GDA: variants seen among roughly 807,000 people sequenced by gnomAD.
GDA encodes the protein guanine deaminase, also known as cytoplasmic PSD-95 interactor.
A neutral mutation model predicts 59.6 loss-of-function variants in GDA; 18 were observed. That is an observed-to-expected ratio of 0.30 (90% CI 0.21 to 0.45). GDA has a LOEUF of 0.45. Ranked by LOEUF, GDA falls within the 20% of genes least tolerant of loss-of-function variation. The pLI is 1.00. For synonymous variants in GDA, 201 were observed against 201.1 expected (o/e 1.00, Z 0.00); for missense variants, 427 against 552.3 (o/e 0.77, Z 2.27).
In GDA at chr9:72,249,065, C is replaced by A; in HGVS notation, c.*723C>A. The A allele has an allele frequency of 2.0e-6, 2 of 982,228 alleles. No individual in the cohort carries two copies. Among genetic ancestry groups the A allele is most frequent in the Non-Finnish European group, 2.4e-6 (2 of 826,766 alleles). The allele number at this position is 982,228 out of a possible 1,614,324, so 60.8% of individuals were successfully genotyped here. A position where few individuals can be genotyped will look rare whatever the true frequency, so the allele number is the denominator to read the frequency against. ...AAGTTGGGTATTAAAGATTTAAAGT[C>A]TCTTAGGAATATTATTCATGTAACT... On this transcript the variant is annotated 3_prime_UTR_variant, in exon 14 of 14. Coordinates refer to ENST00000358399, the MANE Select transcript of GDA (RefSeq NM_004293.5).
intron 1 of GDA, among the ~76,000 whole-genome samples, chr9:72,150,617 G>A (rs543606642): frequency 1.3e-5 from 2 of 152,108 alleles, no homozygotes; most frequent in Non-Finnish European, 2.9e-5. Context: ...TTTTTGAGCT[G>A]TTTTCCAACT....
upstream of GDA, among the ~76,000 whole-genome samples, chr9:72,148,980 G>C (rs1826821798): frequency 6.6e-6 from 1 of 152,198 alleles, no homozygotes; most frequent in Non-Finnish European, 1.5e-5. Flanking sequence ...ACCCAGTTTA[G>C]GGGTCCCCAG....
intron 1 of GDA, among the ~76,000 whole-genome samples, chr9:72,193,653 A>G (rs919099848): frequency 3.3e-5 from 5 of 152,194 alleles, no homozygotes; most frequent in Non-Finnish European, 5.9e-5. Context: ...GCTACTGTCT[A>G]TGTTCACTCA....
At chr9:72,199,782 C>T (rs1318517413) in intron 2 of GDA, among the ~76,000 whole-genome samples, 5 of 152,090 alleles carry the variant, frequency 3.3e-5, no homozygotes, top group Admixed American at 6.5e-5. Context: ...AATGTCTCTT[C>T]TTTACTGTCC....
chr9:72,171,499 A>G (rs4314712), intron 1 of GDA, among the ~76,000 whole-genome samples: 27,794 of 152,016 alleles, frequency 0.18, 2,875 homozygotes, highest in African/African-American at 0.29. Context: ...TATGGGTTCA[A>G]TTTTGGTTAA....
intron 9 of GDA, among the ~76,000 whole-genome samples, chr9:72,230,218 C>T (rs559121871): frequency 6.6e-6 from 1 of 152,204 alleles, no homozygotes; most frequent in Admixed American, 6.5e-5. Flanking sequence ...ACATGGTGGG[C>T]ATGGTGGCTC....
intron 1 of GDA, among the ~76,000 whole-genome samples, chr9:72,188,875 G>A (rs1167992528): frequency 6.6e-5 from 10 of 152,322 alleles, no homozygotes; most frequent in South Asian, 2.1e-4. Flanking sequence ...TGGGGCTGCC[G>A]AAGACCTGTG....
At chr9:72,131,498 C>T (rs184401399) in intron 1 of GDA, among the ~76,000 whole-genome samples, 2 of 152,228 alleles carry the variant, frequency 1.3e-5, no homozygotes, top group East Asian at 3.9e-4. Flanking sequence ...AGTCACCTCC[C>T]ACCAGGCCCC....
chr9:72,173,282 C>T (rs1830181931), intron 1 of GDA, among the ~76,000 whole-genome samples: 1 of 152,022 alleles, frequency 6.6e-6, no homozygotes, highest in African/African-American at 2.4e-5. Context: ...CAGCATCTTG[C>T]GTAAGTGATC....
At chr9:72,114,959 G>A (rs1056022826) in intron 1 of GDA, 43 of 152,172 alleles carry the variant, frequency 2.8e-4, no homozygotes, top group African/African-American at 9.9e-4. Flanking sequence ...CTGGTACAGA[G>A]GTAAGTTTAT....
At chr9:72,204,611 A>G (rs1834439926) in intron 3 of GDA, among the ~76,000 whole-genome samples, 1 of 152,234 alleles carries the variant, frequency 6.6e-6, no homozygotes, top group Non-Finnish European at 1.5e-5. Flanking sequence ...AAACTTAAGA[A>G]AATTAATCTC....
At chr9:72,164,237 A>G (rs191267529) in intron 1 of GDA, among the ~76,000 whole-genome samples, 1 of 152,326 alleles carries the variant, frequency 6.6e-6, no homozygotes, top group Admixed American at 6.5e-5. Context: ...GTTTAGAGTT[A>G]AAGAGAATGA....
chr9:72,137,413 A>AT (rs1246694536), intron 1 of GDA, among the ~76,000 whole-genome samples: 2 of 151,316 alleles, frequency 1.3e-5, no homozygotes, highest in African/African-American at 4.9e-5. Context: ...CGCCCGGCTA[A>AT]TTTTTTTGTA....
chr9:72,126,170 G>A (rs964131781), intron 1 of GDA, among the ~76,000 whole-genome samples: 2 of 152,198 alleles, frequency 1.3e-5, no homozygotes, highest in East Asian at 1.9e-4. Context: ...CAAAGTGATG[G>A]GATTACGGAC....
chr9:72,241,908 A>G (rs1407198800), intron 11 of GDA, among the ~76,000 whole-genome samples: 2 of 152,166 alleles, frequency 1.3e-5, no homozygotes, highest in Admixed American at 6.5e-5. Context: ...TAAATAAATT[A>G]AAGAATCCAT....
At chr9:72,214,284 A>AT (rs539062407) in intron 5 of GDA, among the ~76,000 whole-genome samples, 12,066 of 145,694 alleles carry the variant, frequency 0.083, 674 homozygotes, top group Middle Eastern at 0.15. Context: ...ATTTATTTTT[A>AT]TTTTTTTTTT....
intron 1 of GDA, among the ~76,000 whole-genome samples, chr9:72,177,057 A>G (rs1476104767): frequency 6.6e-6 from 1 of 151,238 alleles, no homozygotes; most frequent in African/African-American, 2.4e-5. Flanking sequence ...TCCTAGTGGG[A>G]AAAATGATGA....
At chr9:72,135,200 C>T (rs1564151757) in intron 1 of GDA, among the ~76,000 whole-genome samples, 1 of 150,846 alleles carries the variant, frequency 6.6e-6, no homozygotes, top group Non-Finnish European at 1.5e-5. Flanking sequence ...AAGTATGATT[C>T]TGAACATCAT....
chr9:72,231,006 T>C, intron 9 of GDA, 108 bp from the exon 10 acceptor site: 3 of 754,980 alleles, frequency 4.0e-6, no homozygotes, highest in South Asian at 2.8e-5. Flanking sequence ...TTAGAGCCGA[T>C]ATATTGGGAA....
Sources: allele counts gnomAD v4.1 joint callset (sites outside exome capture counted in the v4.1 genomes callset), GRCh38; gene constraint gnomAD v4.1.1; transcripts MANE v1.5; gene names NCBI Gene and HGNC (gene_info 2026-07-23, HGNC 2026-07-21).